The following SAMD8 variants were observed in gnomAD, a reference collection of about 807,000 sequenced individuals.
The protein encoded by SAMD8 is sterile alpha motif domain containing 8.
A neutral mutation model predicts 42.0 loss-of-function variants in SAMD8; 20 were observed. The ratio of observed to expected loss-of-function variants is 0.48; its 90% CI spans 0.34 to 0.69. SAMD8 has a LOEUF of 0.69. Among genes scored for constraint, SAMD8 ranks in the 30% least tolerant of loss-of-function variants. The pLI is 0.01. For missense variants in SAMD8, 328 were observed against 511.6 expected, an observed-to-expected ratio of 0.64 and a Z score of 3.46; for synonymous variants, 162 against 173.0, an observed-to-expected ratio of 0.94 and a Z score of 0.50.
intron 1 of SAMD8, among the ~76,000 whole-genome samples, chr10:75,124,525 A>G (rs1034614719): frequency 2.0e-5 from 3 of 150,028 alleles, no homozygotes; most frequent in Non-Finnish European, 4.4e-5. Flanking sequence ...AGGTGGGAGA[A>G]TTGCTTCAAC....
intron 1 of SAMD8, among the ~76,000 whole-genome samples, chr10:75,104,808 A>AG (rs1848394683): frequency 6.6e-6 from 1 of 151,972 alleles, no homozygotes; most frequent in South Asian, 2.1e-4. Context: ...CAGCCAGCAC[A>AG]GGGGAAGGGG....
At chr10:75,118,677 A>C (rs1848938101) in intron 1 of SAMD8, among the ~76,000 whole-genome samples, 1 of 152,220 alleles carries the variant, frequency 6.6e-6, no homozygotes, top group Non-Finnish European at 1.5e-5. Context: ...TTCTATAAGT[A>C]TAAAGAGAAA....
chr10:75,168,804 T>A (rs1840757016), intron 4 of SAMD8, 146 bp downstream of exon 4: 1 of 591,046 alleles, frequency 1.7e-6, no homozygotes, highest in Admixed American at 2.9e-5. Flanking sequence ...AATAATTTGG[T>A]AAAAGTCTTA....
intron 4 of SAMD8, among the ~76,000 whole-genome samples, chr10:75,175,512 T>TTTCA (rs1840970714): frequency 6.6e-6 from 1 of 150,520 alleles, no homozygotes; most frequent in African/African-American, 2.5e-5. Context: ...GTTACAGTGA[T>TTTCA]TTCATTTATT....
intron 4 of SAMD8, among the ~76,000 whole-genome samples, chr10:75,169,314 A>G (rs987433938): frequency 6.7e-6 from 1 of 149,534 alleles, no homozygotes; most frequent in African/African-American, 2.5e-5. Context: ...GTTAAACCCC[A>G]TCTCTACTAA....
At chr10:75,122,799 A>G (rs1564676622) in intron 1 of SAMD8, among the ~76,000 whole-genome samples, 3 of 151,984 alleles carry the variant, frequency 2.0e-5, no homozygotes, top group Non-Finnish European at 2.9e-5. Flanking sequence ...TTTTCTGACA[A>G]TTTGTATTAT....
At chr10:75,137,212 A>G (rs1262438959) in intron 1 of SAMD8, among the ~76,000 whole-genome samples, 2 of 152,232 alleles carry the variant, frequency 1.3e-5, no homozygotes, top group East Asian at 3.8e-4. Flanking sequence ...AAAATGTGAT[A>G]TATACATAGA....
At chr10:75,106,411 C>G (rs1392322820) in intron 1 of SAMD8, among the ~76,000 whole-genome samples, 2 of 152,136 alleles carry the variant, frequency 1.3e-5, no homozygotes, top group African/African-American at 4.8e-5. Flanking sequence ...CAAATTGTTT[C>G]CCCTGGTCTC....
chr10:75,116,154 C>T (rs1325066544), intron 1 of SAMD8, among the ~76,000 whole-genome samples: 1 of 151,616 alleles, frequency 6.6e-6, no homozygotes, highest in East Asian at 1.9e-4. Context: ...GGCTGGAATA[C>T]AGTGGCGCGA....
chr10:75,105,028 G>A lies in SAMD8; in HGVS notation c.-16+5300G>A, dbSNP rs879823378. ...GCCCGTCTGTGGCATGGGGTGGTAG[G>A]GACAGCCAAAGACAGGCTTGAGGCG... On this transcript the variant is annotated intron_variant, in intron 1 of 3. Transcript: ENST00000447533. Among the ~76,000 whole-genome samples, 17 of 152,304 alleles carry A rather than the reference G, an allele frequency of 1.1e-4. No homozygotes were observed. In the East Asian group the frequency reaches 2.1e-3, roughly 19 times the overall value.
chr10:75,159,362 C>T (rs1840504982), intron 2 of SAMD8, among the ~76,000 whole-genome samples: 1 of 152,130 alleles, frequency 6.6e-6, no homozygotes, highest in Admixed American at 6.6e-5. Context: ...CCCAGCGGGA[C>T]ATGTATTATC....
chr10:75,159,063 C>CTTTCTTT lies in SAMD8; in HGVS notation c.579-5579_579-5578insCTTTTTT, dbSNP rs1554862368. ...TGTAGACAAATTTTTTTTTCTTTTT[C>CTTTCTTT]TTTTTTTTTTTTTGAGACAGAGTCT... On this transcript the variant is annotated intron_variant, in intron 2 of 5. Transcript: ENST00000542569. Among the ~76,000 whole-genome samples, 4 of 133,456 alleles carry CTTTCTTT rather than the reference C, an allele frequency of 3.0e-5. No individual in the cohort carries two copies. In the South Asian group the frequency reaches 9.4e-4, roughly 31 times the overall value. The allele number at this position is 133,456 out of a possible 152,430, so 87.6% of individuals were successfully genotyped here.
intron 1 of SAMD8, among the ~76,000 whole-genome samples, chr10:75,120,838 TG>T (rs1457078242): frequency 7.3e-4 from 100 of 137,364 alleles, no homozygotes; most frequent in African/African-American, 2.6e-3. Flanking sequence ...TGGAGTGCAG[TG>T]GTGCAATCTC....
At chr10:75,142,396 A>G (rs887536593) in intron 1 of SAMD8, among the ~76,000 whole-genome samples, 1 of 152,132 alleles carries the variant, frequency 6.6e-6, no homozygotes, top group Admixed American at 6.6e-5. Flanking sequence ...TATGTTTTAC[A>G]TATGTTATAA....
intron 1 of SAMD8, among the ~76,000 whole-genome samples, chr10:75,139,122 G>A (rs545976846): frequency 2.0e-5 from 3 of 151,438 alleles, no homozygotes; most frequent in Non-Finnish European, 4.4e-5. Context: ...CACCACGCCC[G>A]ATTAATTTTT....
chr10:75,110,958 G>A (rs1374257869), upstream of SAMD8, among the ~76,000 whole-genome samples: 3 of 152,030 alleles, frequency 2.0e-5, no homozygotes, highest in Non-Finnish European at 4.4e-5. Flanking sequence ...TGGGATTACA[G>A]GTATGCACCA....
chr10:75,120,774 CTTTTTTT>C (rs111866437), intron 1 of SAMD8, among the ~76,000 whole-genome samples: 39 of 80,170 alleles, frequency 4.9e-4, no homozygotes, highest in African/African-American at 1.9e-3. Flanking sequence ...TAATTTCCAT[CTTTTTTT>C]TTTTTTTTTT....
intron 1 of SAMD8, among the ~76,000 whole-genome samples, chr10:75,138,568 T>C (rs1273487913): frequency 2.0e-5 from 3 of 152,210 alleles, no homozygotes; most frequent in African/African-American, 4.8e-5. Flanking sequence ...AAATGTAAGG[T>C]TGTTATGTTT....
In SAMD8 at chr10:75,131,585, A is replaced by G. The variant is rs532540335; in HGVS notation, c.-15-18929A>G. ...AAACAGAATTTTGATTATTAAAAAT[A>G]ACTGATCAAATTTATCTACAATTTA... On this transcript the variant is annotated intron_variant, in intron 1 of 5. Coordinates refer to ENST00000542569, the MANE Select transcript of SAMD8 (RefSeq NM_001174156.2). Among the ~76,000 whole-genome samples, 4 of 152,296 alleles carry G rather than the reference A, an allele frequency of 2.6e-5. No individual in the cohort carries two copies. In the South Asian group the frequency reaches 8.3e-4, roughly 32 times the overall value.
Sources: allele counts gnomAD v4.1 joint callset (sites outside exome capture counted in the v4.1 genomes callset), GRCh38; gene constraint gnomAD v4.1.1; transcripts MANE v1.5; gene names NCBI Gene and HGNC (gene_info 2026-07-23, HGNC 2026-07-21).